The following CDH5 variants were observed in gnomAD, a reference collection of about 807,000 sequenced individuals.
The protein encoded by CDH5 is cadherin-5.
A neutral mutation model predicts 62.0 loss-of-function variants in CDH5; 28 were observed. That is an observed-to-expected ratio of 0.45 (90% CI 0.33 to 0.62). CDH5 has a LOEUF of 0.62. Among genes scored for constraint, CDH5 ranks in the 20% least tolerant of loss-of-function variants. The pLI, the probability that CDH5 is intolerant of heterozygous loss-of-function variation, is 0.02. For synonymous variants in CDH5, 464 were observed against 445.8 expected, an observed-to-expected ratio of 1.04 and a Z score of -0.52; for missense variants, 940 against 1,065.1, an observed-to-expected ratio of 0.88 and a Z score of 1.63.
rs1390198781 is a variant in CDH5, at chr16:66,402,673, T to TGCG, written c.1868_1870dup (p.Arg623dup). 1.2e-6 allele frequency: 2 copies of TGCG among 1,601,244 alleles called. No homozygotes were observed. Among genetic ancestry groups the TGCG allele is most frequent in the African/African-American group, 2.7e-5 (2 of 74,644 alleles). ...GCAGTGATCACCCTGCTCATCTTCCTGCGGCGGCGGCTCCGGAAGCAGGCC... is the reference window on the plus strand; with the variant it reads ...GCAGTGATCACCCTGCTCATCTTCCTGCGGCGGCGGCGGCTCCGGAAGCAGGCC... On this transcript the variant is annotated inframe_insertion, in exon 12 of 12. Coordinates refer to ENST00000341529, the MANE Select transcript of CDH5 (RefSeq NM_001795.5).
rs868014698 is a variant in CDH5, at chr16:66,398,561, G to A, written c.1591G>A (p.Asp531Asn). 1.6e-5 allele frequency: 23 copies of A among 1,471,520 alleles called. No homozygotes were observed. The highest frequency in any genetic ancestry group is 2.0e-5 in the Non-Finnish European group (21 of 1,049,978). 91.2% of individuals were successfully genotyped at this position (1,471,520 alleles called of 1,614,324 possible). A position where few individuals can be genotyped will look rare whatever the true frequency, so the allele number is the denominator to read the frequency against. ...ENNFTLTDNH[D>N]NTANITVKYG... ...CAACTTTACCCTCACGGATAATCAC[G>A]GTAGGCATCAAAGTAATCAGTTCAG... The change falls in exon 10 of 12, where the codon GAT becomes AAT. Residue 531 changes from aspartate to asparagine, a missense_variant and splice_region_variant. By Grantham distance (23) the Asp-to-Asn change is conservative. Coordinates refer to ENST00000341529, the MANE Select transcript of CDH5 (RefSeq NM_001795.5).
At chr16:66,369,431 C>A (rs1476539463) in intron 1 of CDH5, among the ~76,000 whole-genome samples, 1 of 152,178 alleles carries the variant, frequency 6.6e-6, no homozygotes, top group Non-Finnish European at 1.5e-5. Context: ...TTTAATCCTC[C>A]TGCCCAGGGA....
chr16:66,385,603 A>T (rs997815607), intron 2 of CDH5, among the ~76,000 whole-genome samples: 8 of 152,208 alleles, frequency 5.3e-5, no homozygotes, highest in Non-Finnish European at 1.0e-4. Flanking sequence ...TGGTGTAAAT[A>T]TTCTCACCAT....
chr16:66,402,611 C>T (rs1332339049), intron 11 of CDH5, 41 bp from the exon 12 acceptor site: 108 of 1,505,092 alleles, frequency 7.2e-5, no homozygotes, highest in Non-Finnish European at 8.8e-5. Flanking sequence ...GCCCAGGCCC[C>T]CAGCCTTGTC....
chr16:66,398,727 G>A (rs887776288), intron 10 of CDH5, among the ~76,000 whole-genome samples, 166 bp downstream of exon 10: 7 of 152,214 alleles, frequency 4.6e-5, no homozygotes, highest in African/African-American at 9.6e-5. Context: ...GCGAGACCCC[G>A]TCTCCAAAAA....
intron 3 of CDH5, 113 bp downstream of exon 3, chr16:66,387,210 G>A (rs1369534573): frequency 1.0e-6 from 1 of 960,682 alleles, no homozygotes; most frequent in Non-Finnish European, 1.5e-6. Context: ...TCAGGGTAGT[G>A]ATTGTAATGC....
chr16:66,392,796 G>C, intron 7 of CDH5: 3 of 180,216 alleles, frequency 1.7e-5, no homozygotes, highest in East Asian at 3.4e-4. Flanking sequence ...TTTATACAGT[G>C]AAACAACACA....
Position 66,375,876 on chromosome 16 carries a change from C to G in CDH5, c.-19-3443C>G, listed in dbSNP as rs1011503001. Among the ~76,000 whole-genome samples, 5 of 151,262 alleles carry G rather than the reference C, an allele frequency of 3.3e-5. No homozygotes were observed. In the East Asian group the frequency reaches 9.7e-4, roughly 29 times the overall value. On this transcript the variant is annotated intron_variant, in intron 1 of 11. Transcript: ENST00000341529. ...CAATCCCAGCACTTTGGGAGGCTGA[C>G]GCGGCGGATCGCCTGAGGTCAGGAG...
chr16:66,388,916 C>A (rs1031151198), intron 4 of CDH5, among the ~76,000 whole-genome samples: 22 of 152,068 alleles, frequency 1.4e-4, no homozygotes, highest in African/African-American at 5.1e-4. Context: ...GCAGCAAGGC[C>A]CATAGTAATT....
Position 66,379,698 on chromosome 16 carries a change from T to C in CDH5, c.210+151T>C, listed in dbSNP as rs1270143352. On this transcript the variant is annotated intron_variant, in intron 2 of 11. Transcript: ENST00000341529. ...ATAAGGGTGAAGGTGGTAGCAATAG[T>C]GGTAGAGGTCGTGGTGGTAGAAGTA... is the stretch of plus-strand genomic sequence containing the variant. 5.5e-5 allele frequency: 37 copies of C among 674,982 alleles called. 1 individual carries two copies. In the South Asian group the frequency reaches 5.7e-4, roughly 10 times the overall value. 41.8% of individuals were successfully genotyped at this position (674,982 alleles called of 1,614,324 possible). A position where few individuals can be genotyped will look rare whatever the true frequency, so the allele number is the denominator to read the frequency against.
At chr16:66,380,830 GTGGTAGTGATGA>G (rs1960885578) in intron 2 of CDH5, among the ~76,000 whole-genome samples, 1 of 151,750 alleles carries the variant, frequency 6.6e-6, no homozygotes. Flanking sequence ...GATGGAGATG[GTGGTAGTGATGA>G]TGGTAGTGAT....
intron 5 of CDH5, among the ~76,000 whole-genome samples, chr16:66,390,112 A>G (rs1198463386): frequency 6.6e-6 from 1 of 152,236 alleles, no homozygotes; most frequent in East Asian, 1.9e-4. Context: ...CGTACATGGC[A>G]TAAGCTCCCT....
At chr16:66,368,443 A>G (rs2142299433) in intron 1 of CDH5, among the ~76,000 whole-genome samples, 1 of 152,286 alleles carries the variant, frequency 6.6e-6, no homozygotes, top group South Asian at 2.1e-4. Context: ...AGCCTGAGCT[A>G]TTGTGTTGCC....
intron 1 of CDH5, among the ~76,000 whole-genome samples, chr16:66,367,855 G>A (rs908122363): frequency 2.0e-5 from 3 of 152,292 alleles, no homozygotes; most frequent in Non-Finnish European, 4.4e-5. Flanking sequence ...TGAGTGAAGT[G>A]AGCTACATCC....
chr16:66,370,606 C>G (rs1232366665), intron 1 of CDH5, among the ~76,000 whole-genome samples: 2 of 152,146 alleles, frequency 1.3e-5, no homozygotes, highest in African/African-American at 4.8e-5. Context: ...AGTTCATGCA[C>G]CCAGGTATGG....
At chr16:66,379,886 G>A (rs1338924174) in intron 2 of CDH5, among the ~76,000 whole-genome samples, 2 of 147,452 alleles carry the variant, frequency 1.4e-5, no homozygotes, top group African/African-American at 5.0e-5. Context: ...GGCTGTGATG[G>A]TGGTGATCAC....
At chr16:66,393,136 A>T (rs1332316599) in intron 7 of CDH5, among the ~76,000 whole-genome samples, 1 of 152,226 alleles carries the variant, frequency 6.6e-6, no homozygotes, top group East Asian at 1.9e-4. Context: ...ATCTTATTTT[A>T]TTGTAGATGC....
intron 10 of CDH5, among the ~76,000 whole-genome samples, chr16:66,400,340 G>A (rs1038753885): frequency 2.6e-5 from 4 of 152,238 alleles, no homozygotes; most frequent in Middle Eastern, 3.2e-3. Flanking sequence ...GAGAGCAGAA[G>A]CTGCCTTAGA....
At chr16:66,395,815 G>A (rs914506105) in intron 7 of CDH5, 3 of 404,468 alleles carry the variant, frequency 7.4e-6, no homozygotes, top group Non-Finnish European at 8.8e-6. Flanking sequence ...TGCATCTGAT[G>A]GTCTCAGGTA....
Sources: allele counts gnomAD v4.1 joint callset (sites outside exome capture counted in the v4.1 genomes callset), GRCh38; gene constraint gnomAD v4.1.1; transcripts MANE v1.5; gene names NCBI Gene and HGNC (gene_info 2026-07-23, HGNC 2026-07-21).